Variants in ESPNL observed in about 807,000 individuals in gnomAD.
ESPNL encodes espin like.
A neutral mutation model predicts 46.8 loss-of-function variants in ESPNL; 49 were observed. The ratio of observed to expected loss-of-function variants is 1.05; its 90% CI spans 0.83 to 1.33. The LOEUF is 1.33. Among genes scored for constraint, ESPNL ranks in the 40% most tolerant of loss-of-function variants. The pLI, the probability that ESPNL is intolerant of heterozygous loss-of-function variation, is 0.00. For missense variants in ESPNL, 1,540 were observed against 1,436.6 expected (o/e 1.07, Z -1.16); for synonymous variants, 664 against 662.1 (o/e 1.00, Z -0.04).
At chr2:238,127,252 A>AGT in intron 6 of ESPNL, 1 of 635,416 alleles carries the variant, frequency 1.6e-6, no homozygotes, top group Non-Finnish European at 2.0e-6. Context: ...TTGACCCTGA[A>AGT]GTGTGTGTTT....
chr2:238,116,238 C>T (rs1451522250), intron 4 of ESPNL, among the ~76,000 whole-genome samples: 3 of 152,352 alleles, frequency 2.0e-5, no homozygotes, highest in East Asian at 3.9e-4. Flanking sequence ...TCTAGCCTTC[C>T]AGTCCTGTGG....
chr2:238,118,615 G>A (rs1270546146), intron 5 of ESPNL, among the ~76,000 whole-genome samples: 1 of 110,748 alleles, frequency 9.0e-6, no homozygotes, highest in Non-Finnish European at 2.1e-5. Flanking sequence ...AGGGTGGATG[G>A]AGGAGGGTGG....
intron 8 of ESPNL, among the ~76,000 whole-genome samples, chr2:238,129,791 C>T (rs1692240865): frequency 6.6e-6 from 1 of 152,274 alleles, no homozygotes; most frequent in East Asian, 1.9e-4. Context: ...GCACCAGCCA[C>T]CTGTCGTTTC....
chr2:238,128,715 GACGGCGCTGGCGGGGGAC>G lies in ESPNL; in HGVS notation c.1227_1244del (p.Ala410_Thr415del). ...CACCCCCTTCTGCACAGGGGACAGA[GACGGCGCTGGCGGGGGAC>G]ACCTCAGATGGCCTGGCCGCACTAC... On this transcript the variant is annotated inframe_deletion, in exon 8 of 9. Transcript: ENST00000343063. The G allele has an allele frequency of 6.2e-7, 1 of 1,600,802 alleles. No homozygotes were observed. The highest frequency in any genetic ancestry group is 8.5e-7 in the Non-Finnish European group (1 of 1,174,578).
intron 2 of ESPNL, 71 bp from the exon 3 acceptor site, chr2:238,104,585 A>C (rs1391689684): frequency 2.1e-6 from 3 of 1,439,960 alleles, no homozygotes; most frequent in Non-Finnish European, 2.8e-6. Context: ...GCAGCGGTGA[A>C]GTCCAAGCAG....
chr2:238,130,332 C>T lies in ESPNL; in HGVS notation c.1618C>T (p.Leu540=), dbSNP rs745824233. 22 of 1,607,544 alleles carry T rather than the reference C, an allele frequency of 1.4e-5. No individual in the cohort carries two copies. Among genetic ancestry groups the T allele is most frequent in the Non-Finnish European group, 1.7e-5 (20 of 1,177,750 alleles). The part of the protein sequence containing the change: ...LGRLAAELQA[L]LPEPLVSITV... Reference sequence around the variant, plus strand: ...CCGGTTGGCGGCTGAGCTGCAGGCCCTGCTGCCCGAGCCCCTGGTCAGCAT... The same window carrying T: ...CCGGTTGGCGGCTGAGCTGCAGGCCTTGCTGCCCGAGCCCCTGGTCAGCAT... The change falls in exon 9 of 9, where the codon CTG becomes TTG. Residue 540 remains leucine, a synonymous_variant. Coordinates refer to ENST00000343063, the MANE Select transcript of ESPNL (RefSeq NM_194312.4).
Position 238,104,642 on chromosome 2 carries a change from T to C in ESPNL, c.486-14T>C. ...AGGCAGGGACTGGGCCTCCAAACCC[T>C]CCCTTCCCTGCAGCAGCGTGAACCG... is the stretch of plus-strand genomic sequence containing the variant. On this transcript the variant is annotated splice_polypyrimidine_tract_variant and intron_variant, in intron 2 of 8. Transcript: ENST00000343063. 1 of 1,558,648 alleles carries C rather than the reference T, an allele frequency of 6.4e-7. No individual in the cohort carries two copies. The highest frequency in any genetic ancestry group is 1.2e-5 in the South Asian group (1 of 84,306).
Position 238,130,529 on chromosome 2 carries a change from G to C in ESPNL, c.1815G>C (p.Leu605=), listed in dbSNP as rs770993840. Residue 605 remains leucine, a synonymous_variant, in exon 9 of 9, where the codon CTG becomes CTC. Transcript: ENST00000343063. The part of the protein sequence containing the change: ...HISRLVRSLS[L]LLKGVHGLVQ... ...CCCGCCTGGTACGCAGCCTGTCCCT[G>C]CTGCTGAAGGGCGTGCATGGGCTAG... 1.3e-6 allele frequency: 2 copies of C among 1,594,008 alleles called. No individual in the cohort carries two copies. Among genetic ancestry groups the C allele is most frequent in the Admixed American group, 3.5e-5 (2 of 57,056 alleles).
Position 238,127,692 on chromosome 2 carries a change from G to T in ESPNL, c.1173G>T (p.Pro391=), listed in dbSNP as rs775725938. The change falls in exon 7 of 9, where the codon CCG becomes CCT. Residue 391 remains proline, a synonymous_variant. Transcript: ENST00000343063. The part of the protein sequence containing the change: ...QPLPREQMTS[P]APPRIITSAT... ...TTCCCAGGGAGCAGATGACCAGCCCGGCCCCTCCGAGGATCATCACCAGTG... is the reference window on the plus strand; with the variant it reads ...TTCCCAGGGAGCAGATGACCAGCCCTGCCCCTCCGAGGATCATCACCAGTG... 2 of 1,612,440 alleles carry T rather than the reference G, an allele frequency of 1.2e-6. No individual in the cohort carries two copies. Among genetic ancestry groups the T allele is most frequent in the Admixed American group, 1.7e-5 (1 of 59,848 alleles).
intron 5 of ESPNL, among the ~76,000 whole-genome samples, chr2:238,121,033 C>A (rs541064851): frequency 6.6e-6 from 1 of 152,180 alleles, no homozygotes; most frequent in East Asian, 1.9e-4. Flanking sequence ...GGTGCCCCCT[C>A]GGTACCTCCT....
In ESPNL at chr2:238,131,409, G is replaced by A. The variant is rs773279911; in HGVS notation, c.2695G>A (p.Ala899Thr). The change falls in exon 9 of 9, where the codon GCC becomes ACC. Residue 899 changes from alanine to threonine, a missense_variant. Ala to Thr is a moderately conservative substitution (Grantham distance 58). Transcript: ENST00000343063. ...LGTHGWEAVR[A>T]FHKAVTDEVA... ...CACCCACGGCTGGGAGGCTGTGCGC[G>A]CCTTCCACAAGGCCGTGACCGACGA... The A allele has an allele frequency of 2.4e-5, 38 of 1,607,876 alleles. No homozygotes were observed. The highest frequency in any genetic ancestry group is 1.1e-4 in the South Asian group (10 of 90,482).
Position 238,131,591 on chromosome 2 carries a change from C to CG in ESPNL, c.2879dup (p.Glu962Ter). On this transcript the variant is annotated frameshift_variant, in exon 9 of 9. Coordinates refer to ENST00000343063, the MANE Select transcript of ESPNL (RefSeq NM_194312.4). LOFTEE classifies it high-confidence loss of function. ...TGCCTCACGCCGCCGTCCCCTGCAGCGGCCCTGAGCCCACAGCACAGCGGC... is the reference window on the plus strand; with the variant it reads ...TGCCTCACGCCGCCGTCCCCTGCAGCGGGCCCTGAGCCCACAGCACAGCGGC... 6.2e-7 allele frequency: 1 copy of CG among 1,611,608 alleles called. No homozygotes were observed. The highest frequency in any genetic ancestry group is 1.1e-5 in the South Asian group (1 of 91,016).
chr2:238,116,799 G>T, intron 4 of ESPNL, 104 bp from the exon 5 acceptor site: 1 of 1,437,172 alleles, frequency 7.0e-7, no homozygotes, highest in Non-Finnish European at 9.5e-7. Context: ...AAGGGCATCA[G>T]GGCAGCCTGC....
chr2:238,122,668 C>T (rs1252917896), intron 5 of ESPNL, among the ~76,000 whole-genome samples: 1 of 152,218 alleles, frequency 6.6e-6, no homozygotes, highest in Non-Finnish European at 1.5e-5. Flanking sequence ...CAGGGGTGGC[C>T]CCTCTCCACT....
At chr2:238,117,468 CGTGGGTGAT>C (rs56313682) in intron 5 of ESPNL, among the ~76,000 whole-genome samples, 52,902 of 121,564 alleles carry the variant, frequency 0.44, 10,211 homozygotes, top group African/African-American at 0.63. Context: ...CAGAGTTCCT[CGTGGGTGAT>C]GTGGGTGATG....
At chr2:238,109,027 C>A (rs1156804766) in intron 4 of ESPNL, among the ~76,000 whole-genome samples, 4 of 152,212 alleles carry the variant, frequency 2.6e-5, no homozygotes, top group African/African-American at 9.7e-5. Flanking sequence ...CTCAGCTCTG[C>A]ACAACCCAGC....
At chr2:238,120,527 G>A (rs946265731) in intron 5 of ESPNL, among the ~76,000 whole-genome samples, 6 of 152,274 alleles carry the variant, frequency 3.9e-5, no homozygotes, top group East Asian at 3.8e-4. Context: ...AGGACGGGTC[G>A]TGTTAGGCTC....
At chr2:238,126,634 CTGTG>C (rs201751150) in intron 6 of ESPNL, among the ~76,000 whole-genome samples, 1 of 139,144 alleles carries the variant, frequency 7.2e-6, no homozygotes, top group African/African-American at 2.8e-5. Context: ...TGTGTCTGTT[CTGTG>C]TTTCTGTGTG....
At chr2:238,126,911 A>G (rs1270390532) in intron 6 of ESPNL, among the ~76,000 whole-genome samples, 24 of 48,488 alleles carry the variant, frequency 4.9e-4, no homozygotes, top group Middle Eastern at 0.011. Context: ...TTGTGTGTGT[A>G]TGATCGTGTC....
Sources: allele counts gnomAD v4.1 joint callset (sites outside exome capture counted in the v4.1 genomes callset), GRCh38; gene constraint gnomAD v4.1.1; transcripts MANE v1.5; gene names NCBI Gene and HGNC (gene_info 2026-07-23, HGNC 2026-07-21).